RANBP17: variants seen among roughly 807,000 people sequenced by gnomAD.
The protein encoded by RANBP17 is RAN binding protein 17.
A neutral mutation model predicts 141.2 loss-of-function variants in RANBP17; 158 were observed. That is an observed-to-expected ratio of 1.12 (90% CI 0.98 to 1.28). The LOEUF (loss-of-function observed/expected upper bound fraction) is 1.28, where lower values mean the gene tolerates loss of function less well. RANBP17 is among the 50% of genes most tolerant of loss of function. The probability of loss-of-function intolerance (pLI) is 0.00; values close to 1 mark genes in which losing one functional copy is unlikely to be tolerated. For missense variants in RANBP17, 1,438 were observed against 1,290.7 expected (o/e 1.11, Z -1.75); for synonymous variants, 430 against 450.0 (o/e 0.96, Z 0.56).
At chr5:171,258,055 G>A (rs1022444907) in intron 24 of RANBP17, among the ~76,000 whole-genome samples, 4 of 150,998 alleles carry the variant, frequency 2.6e-5, no homozygotes, top group African/African-American at 4.9e-5. Context: ...GCAGTGAGCC[G>A]AGATCGCTTC....
At chr5:170,869,386 T>C (rs1021789578) in intron 1 of RANBP17, among the ~76,000 whole-genome samples, 3 of 147,986 alleles carry the variant, frequency 2.0e-5, no homozygotes, top group African/African-American at 7.4e-5. Flanking sequence ...CTTGAACTCC[T>C]GGGCTCAAGC....
At chr5:171,034,783 A>G (rs1781764906) in intron 14 of RANBP17, among the ~76,000 whole-genome samples, 1 of 152,136 alleles carries the variant, frequency 6.6e-6, no homozygotes, top group Non-Finnish European at 1.5e-5. Flanking sequence ...CTTTTGGGGG[A>G]AAAAGAGAGA....
intron 6 of RANBP17, 191 bp from the exon 7 acceptor site, chr5:170,910,778 A>G (rs889425646): frequency 5.5e-6 from 3 of 544,138 alleles, no homozygotes; most frequent in Admixed American, 6.5e-5. Flanking sequence ...GCTGAATGTG[A>G]TTCTTTTATG....
chr5:171,091,306 T>C (rs538620374), intron 14 of RANBP17, among the ~76,000 whole-genome samples: 1 of 152,310 alleles, frequency 6.6e-6, no homozygotes, highest in African/African-American at 2.4e-5. Context: ...GATTTCAGAT[T>C]TGCATGGGGC....
intron 12 of RANBP17, among the ~76,000 whole-genome samples, chr5:170,952,226 A>G (rs1301873942): frequency 2.0e-5 from 3 of 151,996 alleles, no homozygotes; most frequent in Non-Finnish European, 4.4e-5. Context: ...TCAGCTTCCT[A>G]CATGAAGTTT....
chr5:171,038,162 T>TTGTGTG (rs61652416), intron 14 of RANBP17, among the ~76,000 whole-genome samples: 1,997 of 144,812 alleles, frequency 0.014, 18 homozygotes, highest in East Asian at 0.022. Flanking sequence ...TTCTTAGGTA[T>TTGTGTG]TGTGTGTGTG....
chr5:171,250,257 A>G (rs879706790), intron 24 of RANBP17, among the ~76,000 whole-genome samples: 1 of 152,248 alleles, frequency 6.6e-6, no homozygotes, highest in Non-Finnish European at 1.5e-5. Flanking sequence ...AGAAATGCTC[A>G]AGGGAGTCCT....
intron 12 of RANBP17, among the ~76,000 whole-genome samples, chr5:170,937,187 C>G (rs1773951855): frequency 6.6e-6 from 1 of 152,164 alleles, no homozygotes; most frequent in Non-Finnish European, 1.5e-5. Flanking sequence ...TTTCATATCT[C>G]ATTTTCATAT....
At chr5:171,271,284 G>A (rs1342786245) in intron 25 of RANBP17, 1 of 212,926 alleles carries the variant, frequency 4.7e-6, no homozygotes, top group Admixed American at 5.9e-5. Context: ...GCATCCCAAA[G>A]TGAATTACAG....
At chr5:171,224,791 T>G (rs1008130109) in intron 22 of RANBP17, among the ~76,000 whole-genome samples, 3 of 152,190 alleles carry the variant, frequency 2.0e-5, no homozygotes, top group African/African-American at 7.2e-5. Flanking sequence ...GCTCCTCAAT[T>G]TAGACTAATA....
chr5:170,976,741 G>T (rs1453484391), intron 14 of RANBP17, among the ~76,000 whole-genome samples: 4 of 152,028 alleles, frequency 2.6e-5, no homozygotes, highest in South Asian at 4.1e-4. Flanking sequence ...TTTGACAAGG[G>T]CATCAACATA....
At chr5:170,989,114 AAT>A (rs1272141203) in intron 14 of RANBP17, among the ~76,000 whole-genome samples, 1 of 151,840 alleles carries the variant, frequency 6.6e-6, no homozygotes, top group Admixed American at 6.6e-5. Context: ...GTGGTGCTAA[AAT>A]TATTATTTGT....
intron 14 of RANBP17, among the ~76,000 whole-genome samples, chr5:171,043,963 A>G (rs1480208909): frequency 6.6e-6 from 1 of 152,184 alleles, no homozygotes; most frequent in Admixed American, 6.6e-5. Flanking sequence ...AAACTTATAC[A>G]GAGGCAAATA....
At chr5:171,013,641 C>A (rs1780221945) in intron 14 of RANBP17, among the ~76,000 whole-genome samples, 1 of 151,832 alleles carries the variant, frequency 6.6e-6, no homozygotes, top group South Asian at 2.1e-4. Flanking sequence ...CTATCCTATC[C>A]CAATATTTGG....
chr5:171,084,117 C>T (rs1403614644), intron 14 of RANBP17, among the ~76,000 whole-genome samples: 4 of 129,122 alleles, frequency 3.1e-5, no homozygotes, highest in African/African-American at 5.8e-5. Flanking sequence ...CCCCCTCCCC[C>T]GACCCCACCA....
At chr5:170,974,866 G>A (rs545274503) in intron 14 of RANBP17, among the ~76,000 whole-genome samples, 49 of 152,282 alleles carry the variant, frequency 3.2e-4, no homozygotes, top group African/African-American at 1.2e-3. Flanking sequence ...TGTGGGGAGT[G>A]GAGTATTAAG....
chr5:171,043,811 A>G (rs1782400734), intron 14 of RANBP17, among the ~76,000 whole-genome samples: 1 of 152,150 alleles, frequency 6.6e-6, no homozygotes, highest in Non-Finnish European at 1.5e-5. Flanking sequence ...CTTTTCTGCT[A>G]TGAGATAAAG....
intron 24 of RANBP17, among the ~76,000 whole-genome samples, chr5:171,255,887 G>T (rs373241790): frequency 3.3e-5 from 5 of 152,210 alleles, no homozygotes; most frequent in African/African-American, 1.2e-4. Context: ...ATAAATTATT[G>T]TAACTAAAAA....
At chr5:170,925,901 T>G (rs553626532) in intron 12 of RANBP17, among the ~76,000 whole-genome samples, 2 of 152,340 alleles carry the variant, frequency 1.3e-5, no homozygotes, top group South Asian at 4.1e-4. Context: ...TACCATGCAC[T>G]GTTACGTTGT....
Sources: allele counts gnomAD v4.1 joint callset (sites outside exome capture counted in the v4.1 genomes callset), GRCh38; gene constraint gnomAD v4.1.1; transcripts MANE v1.5; gene names NCBI Gene and HGNC (gene_info 2026-07-23, HGNC 2026-07-21).